The following PRDM11 variants were observed in gnomAD, a reference collection of about 807,000 sequenced individuals.
PRDM11 encodes the protein PR/SET domain 11, also known as PR domain-containing protein 11.
A neutral mutation model predicts 97.8 loss-of-function variants in PRDM11; 20 were observed. The observed-to-expected ratio is 0.20, with a 90% CI of 0.14 to 0.30. The LOEUF is 0.30. PRDM11 is among the 10% of genes least tolerant of loss of function. PRDM11 has a pLI of 1.00. For synonymous variants in PRDM11, 599 were observed against 637.7 expected, an observed-to-expected ratio of 0.94 and a Z score of 0.91; for missense variants, 1,139 against 1,555.2, an observed-to-expected ratio of 0.73 and a Z score of 4.50.
At chr11:45,136,756 G>A (rs955239085) in intron 1 of PRDM11, among the ~76,000 whole-genome samples, 4 of 152,242 alleles carry the variant, frequency 2.6e-5, no homozygotes, top group African/African-American at 9.6e-5. Flanking sequence ...TGTCCCTGTG[G>A]ACCACCATAG....
rs1854397667 is a variant in PRDM11, at chr11:45,231,434, T to G, written c.*3275T>G. 1 of 152,136 alleles carries G rather than the reference T, an allele frequency of 6.6e-6. No individual in the cohort carries two copies. The highest frequency in any genetic ancestry group is 1.5e-5 in the Non-Finnish European group (1 of 68,060). The allele number at this position is 152,136 out of a possible 1,614,324, so 9.4% of individuals were successfully genotyped here. ...GGAAAAGCAGTTGGTGGATCCCAAA[T>G]GTTGTTACTTCAGACAAGACAGAGC... is the stretch of plus-strand genomic sequence containing the variant. On this transcript the variant is annotated 3_prime_UTR_variant, in exon 8 of 8. Coordinates refer to ENST00000683152, the MANE Select transcript of PRDM11 (RefSeq NM_001384648.1).
rs1790063333 is a variant in PRDM11, at chr11:45,233,006, G to A, written c.*4847G>A. 6.6e-6 allele frequency: 1 copy of A among 151,720 alleles called. No homozygotes were observed. Among genetic ancestry groups the A allele is most frequent in the Admixed American group, 6.6e-5 (1 of 15,244 alleles). The allele number at this position is 151,720 out of a possible 1,614,324, so 9.4% of individuals were successfully genotyped here. A position where few individuals can be genotyped will look rare whatever the true frequency, so the allele number is the denominator to read the frequency against. ...GCATGGAAGCAGGGGTATGTGCAGT[G>A]TAGAATACAGATGCTACAGCATATA... On this transcript the variant is annotated 3_prime_UTR_variant, in exon 8 of 8. Coordinates refer to ENST00000683152, the MANE Select transcript of PRDM11 (RefSeq NM_001384648.1).
intron 1 of PRDM11, among the ~76,000 whole-genome samples, chr11:45,138,846 A>C (rs1282563942): frequency 6.6e-6 from 1 of 152,244 alleles, no homozygotes; most frequent in African/African-American, 2.4e-5. Flanking sequence ...GAAAAACAGA[A>C]AACATCTAAA....
At chr11:45,186,810 C>G (rs1852721362) in intron 4 of PRDM11, among the ~76,000 whole-genome samples, 2 of 152,190 alleles carry the variant, frequency 1.3e-5, no homozygotes, top group African/African-American at 2.4e-5. Flanking sequence ...GGGTTGCTGC[C>G]CCTCTTGTTC....
At chr11:45,168,318 G>A (rs1238862665) in intron 1 of PRDM11, among the ~76,000 whole-genome samples, 1 of 152,142 alleles carries the variant, frequency 6.6e-6, no homozygotes, top group Non-Finnish European at 1.5e-5. Flanking sequence ...GTCCAGACAG[G>A]GGTCCCCTTT....
intron 1 of PRDM11, among the ~76,000 whole-genome samples, chr11:45,132,811 A>G (rs147059295): frequency 1.0e-3 from 154 of 152,322 alleles, no homozygotes; most frequent in Admixed American, 2.0e-3. Flanking sequence ...AGACCCAAAG[A>G]TAGTGATTGG....
At position 45,182,745 on chromosome 11, in the gene PRDM11, G is replaced by A. The variant is rs578041205; in HGVS notation, c.224-116G>A. On this transcript the variant is annotated intron_variant, in intron 3 of 7. Coordinates refer to ENST00000683152, the MANE Select transcript of PRDM11 (RefSeq NM_001384648.1). ...ATGGGTTATTGCTACCGATGACCCT[G>A]GGGCCTGCAGCTGGCTGTCCATGAG... 1.9e-5 allele frequency: 24 copies of A among 1,291,188 alleles called. No homozygotes were observed. The African/African-American group carries it at 3.1e-4, about 17-fold the overall frequency. The allele number at this position is 1,291,188 out of a possible 1,614,324, so 80.0% of individuals were successfully genotyped here.
upstream of PRDM11, among the ~76,000 whole-genome samples, chr11:45,142,234 G>A (rs1851420426): frequency 6.6e-6 from 1 of 152,130 alleles, no homozygotes; most frequent in Non-Finnish European, 1.5e-5. Context: ...GAAAACCCTG[G>A]CAGAGATCCC....
Position 45,139,481 on chromosome 11 carries a change from C to T in PRDM11, c.97-42280C>T, listed in dbSNP as rs186637671. On this transcript the variant is annotated intron_variant, in intron 1 of 6. Transcript: ENST00000530656. ...ACTTGGGAGGCTGAGGCAGGAGAATCGTTTGAACCCAGGAGGCGGAGGTTG... is the reference window on the plus strand; with the variant it reads ...ACTTGGGAGGCTGAGGCAGGAGAATTGTTTGAACCCAGGAGGCGGAGGTTG... 9.1e-5 allele frequency among the ~76,000 whole-genome samples: 13 copies of T among 143,052 alleles called. No individual in the cohort carries two copies. The East Asian group carries it at 1.6e-3, about 18-fold the overall frequency. 93.8% of individuals were successfully genotyped at this position (143,052 alleles called of 152,430 possible). A position where few individuals can be genotyped will look rare whatever the true frequency, so the allele number is the denominator to read the frequency against.
At chr11:45,221,019 A>G (rs1854106012) in intron 6 of PRDM11, among the ~76,000 whole-genome samples, 1 of 152,184 alleles carries the variant, frequency 6.6e-6, no homozygotes, top group Non-Finnish European at 1.5e-5. Context: ...GTTCCTGACC[A>G]ACTTACTAAT....
intron 3 of PRDM11, 42 bp downstream of exon 3, chr11:45,182,391 C>G (rs775854465): frequency 9.8e-6 from 15 of 1,534,866 alleles, no homozygotes; most frequent in Middle Eastern, 1.7e-4. Context: ...TCCCTTCACC[C>G]CCATCGCCCC....
intron 4 of PRDM11, among the ~76,000 whole-genome samples, chr11:45,186,427 A>G (rs968014247): frequency 1.3e-5 from 2 of 152,208 alleles, no homozygotes; most frequent in African/African-American, 2.4e-5. Flanking sequence ...AACTAAGTAT[A>G]TAAATTAATG....
At chr11:45,159,074 G>A (rs1312181692) in intron 1 of PRDM11, among the ~76,000 whole-genome samples, 2 of 152,150 alleles carry the variant, frequency 1.3e-5, no homozygotes, top group Admixed American at 1.3e-4. Context: ...GCTCCCAGGG[G>A]TCTGCTCCCC....
intron 1 of PRDM11, among the ~76,000 whole-genome samples, chr11:45,115,783 A>G (rs1392747577): frequency 6.6e-6 from 1 of 152,018 alleles, no homozygotes. Flanking sequence ...TAGAAAAATC[A>G]GCTGGGTGTG....
rs770331304 is a variant in PRDM11, at chr11:45,226,831, A to G, written c.2206A>G (p.Ile736Val). Residue 736 changes from isoleucine to valine, a missense_variant, in exon 8 of 8, where the codon ATC (isoleucine) becomes GTC (valine). Physicochemically the swap from Ile to Val is conservative, Grantham distance 29 (BLOSUM62 3). Transcript: ENST00000683152. ...TVGLGVDGAN[I>V]TASLRASMFM... ...TGGCTTGGGTGTAGATGGAGCCAACATCACAGCCAGCCTCCGTGCCAGCAT... is the reference window on the plus strand; with the variant it reads ...TGGCTTGGGTGTAGATGGAGCCAACGTCACAGCCAGCCTCCGTGCCAGCAT... The G allele has an allele frequency of 5.2e-6, 8 of 1,533,230 alleles. No individual in the cohort carries two copies. In the Admixed American group the frequency reaches 5.9e-5, roughly 11 times the overall value. 95.0% of individuals were successfully genotyped at this position (1,533,230 alleles called of 1,614,324 possible).
intron 1 of PRDM11, among the ~76,000 whole-genome samples, chr11:45,138,104 G>T (rs74693297): frequency 0.02 from 3,053 of 152,228 alleles, 98 homozygotes; most frequent in African/African-American, 0.069. Flanking sequence ...TGAGTAACTT[G>T]CTCTCAAAAA....
chr11:45,225,082 C>T (rs907948837), intron 7 of PRDM11: 40 of 1,436,128 alleles, frequency 2.8e-5, no homozygotes, highest in South Asian at 1.1e-4. Context: ...AAGGAAGTTC[C>T]GCTGCAGAAG....
At chr11:45,207,585 A>C (rs1199116716) in intron 5 of PRDM11, among the ~76,000 whole-genome samples, 2 of 152,212 alleles carry the variant, frequency 1.3e-5, no homozygotes, top group Non-Finnish European at 2.9e-5. Context: ...AGATTGAGAC[A>C]CCCACATTAA....
chr11:45,187,303 A>G (rs1852740263), intron 4 of PRDM11, among the ~76,000 whole-genome samples: 2 of 152,180 alleles, frequency 1.3e-5, no homozygotes, highest in Admixed American at 6.5e-5. Flanking sequence ...GAGGAAGCCT[A>G]TGGCTTCACA....
Sources: allele counts gnomAD v4.1 joint callset (sites outside exome capture counted in the v4.1 genomes callset), GRCh38; gene constraint gnomAD v4.1.1; transcripts MANE v1.5; gene names NCBI Gene and HGNC (gene_info 2026-07-23, HGNC 2026-07-21).